The following PCDH15 variants were observed in gnomAD, a reference collection of about 807,000 sequenced individuals.
PCDH15 encodes protocadherin-15.
In PCDH15, 129 loss-of-function variants were observed where a neutral mutation model predicts 178.5. That is an observed-to-expected ratio of 0.72 (90% CI 0.63 to 0.84). PCDH15 has a LOEUF of 0.84. Among genes scored for constraint, PCDH15 ranks in the 40% least tolerant of loss-of-function variants. The pLI, the probability that PCDH15 is intolerant of heterozygous loss-of-function variation, is 0.00. For missense variants in PCDH15, 2,230 were observed against 2,099.9 expected, an observed-to-expected ratio of 1.06 and a Z score of -1.21; for synonymous variants, 800 against 732.0, an observed-to-expected ratio of 1.09 and a Z score of -1.50.
At chr10:54,897,792 T>C (rs1954569982) in intron 2 of PCDH15, among the ~76,000 whole-genome samples, 1 of 152,202 alleles carries the variant, frequency 6.6e-6, no homozygotes, top group African/African-American at 2.4e-5. Flanking sequence ...AAACTAATTT[T>C]TCAAATTTCA....
chr10:54,307,928 T>C (rs760516914), intron 8 of PCDH15, among the ~76,000 whole-genome samples: 2 of 152,002 alleles, frequency 1.3e-5, no homozygotes, highest in Non-Finnish European at 2.9e-5. Context: ...ATAGTAACAA[T>C]AGCAAATATT....
At chr10:54,624,336 T>C (rs1235714505) in intron 2 of PCDH15, among the ~76,000 whole-genome samples, 1 of 152,180 alleles carries the variant, frequency 6.6e-6, no homozygotes, top group Non-Finnish European at 1.5e-5. Context: ...TTAAAAGAAT[T>C]AGTAGCAAAA....
At chr10:54,327,961 A>G (rs1332695687) in intron 7 of PCDH15, among the ~76,000 whole-genome samples, 2 of 152,084 alleles carry the variant, frequency 1.3e-5, no homozygotes, top group African/African-American at 2.4e-5. Flanking sequence ...CAATTGATGA[A>G]TCTACATTGA....
Position 53,903,321 on chromosome 10 carries a change from G to T in PCDH15, c.3423C>A (p.Pro1141=), listed in dbSNP as rs1479788473. The change falls in exon 26 of 38, where the codon CCC becomes CCA. Residue 1141 remains proline, a synonymous_variant. Transcript: ENST00000644397. ...TGTAGAATTTTTTCTGAAACACTGG[G>T]GGATGATTATTTTCATCCTGAATCT... ...YIEIQDENNH[P]PVFQKKFYIG... The T allele has an allele frequency of 2.5e-6, 4 of 1,612,644 alleles. No homozygotes were observed.
At chr10:55,180,852 ACT>A (rs1222493560) in intron 1 of PCDH15, among the ~76,000 whole-genome samples, 5 of 151,790 alleles carry the variant, frequency 3.3e-5, no homozygotes. Context: ...CTTATATGGC[ACT>A]CTTTCTGTTC....
chr10:55,042,626 TG>T (rs1386956841), intron 2 of PCDH15, among the ~76,000 whole-genome samples: 43 of 152,242 alleles, frequency 2.8e-4, no homozygotes, highest in African/African-American at 1.0e-3. Flanking sequence ...TGTTAATGGT[TG>T]TTGTTTTGAC....
At chr10:54,616,179 A>T (rs922478376) in intron 2 of PCDH15, among the ~76,000 whole-genome samples, 2 of 152,110 alleles carry the variant, frequency 1.3e-5, no homozygotes, top group Non-Finnish European at 2.9e-5. Flanking sequence ...TGTGGGTGGA[A>T]TCAACATTCA....
chr10:54,690,150 T>TTA (rs2095092698), intron 1 of PCDH15, among the ~76,000 whole-genome samples: 1 of 152,256 alleles, frequency 6.6e-6, no homozygotes, highest in African/African-American at 2.4e-5. Flanking sequence ...TGTCATAACA[T>TTA]TATAACACAA....
At chr10:54,046,938 A>C (rs978596141) in intron 18 of PCDH15, among the ~76,000 whole-genome samples, 3 of 152,132 alleles carry the variant, frequency 2.0e-5, no homozygotes, top group Non-Finnish European at 4.4e-5. Flanking sequence ...CACGTAAGTA[A>C]TTGTAGTGAG....
At chr10:54,933,173 C>T (rs1248898385) in intron 2 of PCDH15, among the ~76,000 whole-genome samples, 2 of 151,130 alleles carry the variant, frequency 1.3e-5, no homozygotes, top group African/African-American at 2.4e-5. Flanking sequence ...TGTAAGTACA[C>T]TCTATGATGT....
At chr10:55,088,671 G>A (rs1842240000) in intron 2 of PCDH15, among the ~76,000 whole-genome samples, 1 of 152,028 alleles carries the variant, frequency 6.6e-6, no homozygotes, top group African/African-American at 2.4e-5. Context: ...ATTTATATGT[G>A]TGTATATGTG....
At chr10:54,617,595 T>C (rs1047632867) in intron 2 of PCDH15, among the ~76,000 whole-genome samples, 34 of 151,838 alleles carry the variant, frequency 2.2e-4, no homozygotes, top group African/African-American at 8.0e-4. Flanking sequence ...GCATAGTATA[T>C]ACTATATTAA....
At chr10:55,569,103 T>A (rs1324090958) in intron 2 of PCDH15, among the ~76,000 whole-genome samples, 1 of 152,064 alleles carries the variant, frequency 6.6e-6, no homozygotes, top group Non-Finnish European at 1.5e-5. Flanking sequence ...CATCACCACA[T>A]CTACCGTACT....
intron 3 of PCDH15, among the ~76,000 whole-genome samples, chr10:54,817,598 G>C (rs1952969276): frequency 1.3e-5 from 2 of 152,010 alleles, no homozygotes; most frequent in Admixed American, 1.3e-4. Context: ...AATTGTAAGT[G>C]AGATAGTTCT....
intron 2 of PCDH15, among the ~76,000 whole-genome samples, chr10:54,593,470 G>T (rs1014176037): frequency 2.2e-4 from 33 of 151,962 alleles, no homozygotes; most frequent in Non-Finnish European, 4.3e-4. Flanking sequence ...CTTATTGTAG[G>T]CTGGTTTACT....
At position 55,555,079 on chromosome 10, in the gene PCDH15, T is replaced by C. The variant is rs570464008; in HGVS notation, c.-156+72546A>G. On this transcript the variant is annotated intron_variant, in intron 2 of 5. Transcript: ENST00000613346. ...CCATAATTAATAAAGTAATTTTCTG[T>C]TTTGAAGACATTTTAAAATGATACA... Among the ~76,000 whole-genome samples the C allele has an allele frequency of 5.3e-5, 8 of 152,218 alleles. No homozygotes were observed. The East Asian group carries it at 1.5e-3, about 29-fold the overall frequency.
intron 1 of PCDH15, among the ~76,000 whole-genome samples, chr10:54,769,845 G>C (rs780385989): frequency 1.3e-5 from 2 of 151,996 alleles, no homozygotes; most frequent in Non-Finnish European, 1.5e-5. Context: ...TTTTCTTCTG[G>C]TGATACGTTT....
At chr10:53,985,890 T>TA (rs922853798) in intron 21 of PCDH15, among the ~76,000 whole-genome samples, 6 of 151,650 alleles carry the variant, frequency 4.0e-5, no homozygotes, top group Non-Finnish European at 1.5e-5. Flanking sequence ...AGAGTAAACA[T>TA]AAAAAAAAGA....
intron 27 of PCDH15, among the ~76,000 whole-genome samples, chr10:53,863,764 G>A (rs760522938): frequency 6.6e-6 from 1 of 152,122 alleles, no homozygotes; most frequent in Non-Finnish European, 1.5e-5. Flanking sequence ...GAGCTGCTGA[G>A]GCAATCTCCT....
Sources: gnomAD v4.1 joint callset for allele counts (sites outside exome capture counted in the v4.1 genomes callset) on GRCh38, gnomAD v4.1.1 for gene constraint, MANE v1.5 for transcripts, NCBI Gene and HGNC (gene_info 2026-07-23, HGNC 2026-07-21) for gene names.